TENM2: variants seen among roughly 807,000 people sequenced by gnomAD.
The protein encoded by TENM2 is teneurin-2.
In TENM2, 52 loss-of-function variants were observed where a neutral mutation model predicts 245.2. That is an observed-to-expected ratio of 0.21 (90% CI 0.17 to 0.27). TENM2 has a LOEUF of 0.27. Ranked by LOEUF, TENM2 falls within the 10% of genes least tolerant of loss-of-function variation. The pLI, the probability that TENM2 is intolerant of heterozygous loss-of-function variation, is 1.00. For synonymous variants in TENM2, 1,363 were observed against 1,438.9 expected (o/e 0.95, Z 1.19); for missense variants, 3,046 against 3,666.8 (o/e 0.83, Z 4.37).
chr5:167,051,605 G>C, the TENM2 span, among the ~76,000 whole-genome samples: 1 of 152,132 alleles, frequency 6.6e-6, no homozygotes, highest in South Asian at 2.1e-4. Context: ...CCAGGGACTC[G>C]GAGGAGGCGA....
At chr5:167,126,369 C>A in the TENM2 span, among the ~76,000 whole-genome samples, 1 of 152,308 alleles carries the variant, frequency 6.6e-6, no homozygotes, top group Non-Finnish European at 1.5e-5. Context: ...AATTCTCCCT[C>A]ATTTCTTGGC....
At chr5:167,483,365 C>T (rs921078526) in intron 2 of TENM2, among the ~76,000 whole-genome samples, 1 of 152,112 alleles carries the variant, frequency 6.6e-6, no homozygotes, top group African/African-American at 2.4e-5. Flanking sequence ...GTCTCAGATG[C>T]ATAATCAGAT....
chr5:168,201,364 A>G (rs1271351842), intron 17 of TENM2, among the ~76,000 whole-genome samples: 1 of 151,956 alleles, frequency 6.6e-6, no homozygotes, highest in East Asian at 1.9e-4. Flanking sequence ...ATATACATAT[A>G]TCTGTAGCTA....
At chr5:167,705,011 G>A (rs1449025077) in intron 2 of TENM2, among the ~76,000 whole-genome samples, 1 of 152,034 alleles carries the variant, frequency 6.6e-6, no homozygotes, top group East Asian at 1.9e-4. Flanking sequence ...CTTTGAAGTT[G>A]GTAAAAGTCA....
chr5:168,104,003 G>GGCTT, intron 9 of TENM2, among the ~76,000 whole-genome samples: 1 of 150,000 alleles, frequency 6.7e-6, no homozygotes, highest in South Asian at 2.1e-4. Context: ...TTTCTTTTCT[G>GGCTT]GTTTGTTTGT....
chr5:167,610,008 CTT>C (rs1450406902), intron 2 of TENM2, among the ~76,000 whole-genome samples: 11 of 152,230 alleles, frequency 7.2e-5, no homozygotes, highest in Admixed American at 3.3e-4. Context: ...GTGACGTACA[CTT>C]TTGATCGGCT....
intron 3 of TENM2, among the ~76,000 whole-genome samples, chr5:167,912,364 A>G (rs1301079228): frequency 6.6e-6 from 1 of 152,190 alleles, no homozygotes; most frequent in Admixed American, 6.5e-5. Context: ...TTGTGTATAT[A>G]TGCCACATTT....
At chr5:168,204,598 T>C (rs2152539453) in exon 19 of TENM2, 1 of 1,614,004 alleles carries the variant, frequency 6.2e-7, no homozygotes, top group East Asian at 2.2e-5. Context: ...CCTCTCGAAA[T>C]GTGACCAGCA....
At chr5:168,187,393 G>A (rs921478628) in intron 13 of TENM2, 17 of 152,196 alleles carry the variant, frequency 1.1e-4, no homozygotes, top group African/African-American at 4.1e-4. Context: ...GTTATATGGA[G>A]CGGGTGGTAA....
At chr5:168,074,906 G>A (rs992138594) in intron 7 of TENM2, among the ~76,000 whole-genome samples, 4 of 152,042 alleles carry the variant, frequency 2.6e-5, no homozygotes, top group South Asian at 4.2e-4. Context: ...CTTAATTTAG[G>A]TATAATGTTA....
At chr5:168,154,554 G>A (rs1581470098) in intron 12 of TENM2, among the ~76,000 whole-genome samples, 2 of 152,156 alleles carry the variant, frequency 1.3e-5, no homozygotes, top group African/African-American at 2.4e-5. Flanking sequence ...AATGTGAAAG[G>A]ATTGTTTTTA....
the TENM2 span, among the ~76,000 whole-genome samples, chr5:167,035,091 C>T: frequency 2.0e-5 from 3 of 152,136 alleles, no homozygotes; most frequent in Non-Finnish European, 4.4e-5. Context: ...TTTAATTTTG[C>T]TTTTCATACT....
At chr5:167,431,199 A>C (rs1309414083) in intron 2 of TENM2, among the ~76,000 whole-genome samples, 4 of 152,194 alleles carry the variant, frequency 2.6e-5, no homozygotes, top group Non-Finnish European at 4.4e-5. Flanking sequence ...GACAATTATC[A>C]ATTTCTTTTT....
chr5:167,019,992 T>G, the TENM2 span, among the ~76,000 whole-genome samples: 1 of 152,084 alleles, frequency 6.6e-6, no homozygotes, highest in Non-Finnish European at 1.5e-5. Context: ...GGAGGTAGAA[T>G]AATAAAATCT....
intron 2 of TENM2, among the ~76,000 whole-genome samples, chr5:167,427,346 G>C (rs1039592272): frequency 6.6e-6 from 1 of 152,038 alleles, no homozygotes; most frequent in Non-Finnish European, 1.5e-5. Context: ...CCAGCTACTT[G>C]GGAGGCTGAG....
the TENM2 span, among the ~76,000 whole-genome samples, chr5:167,049,298 T>C: frequency 6.6e-6 from 1 of 152,246 alleles, no homozygotes; most frequent in African/African-American, 2.4e-5. Flanking sequence ...GAGTCACGTG[T>C]ATGTTTACCA....
chr5:168,254,106 T>G (rs1767413830), intron 27 of TENM2, among the ~76,000 whole-genome samples: 1 of 152,232 alleles, frequency 6.6e-6, no homozygotes, highest in African/African-American at 2.4e-5. Flanking sequence ...ACTTAACACC[T>G]GAAGGTGCTG....
intron 2 of TENM2, among the ~76,000 whole-genome samples, chr5:167,582,598 G>A (rs1334096477): frequency 6.6e-6 from 1 of 152,118 alleles, no homozygotes; most frequent in East Asian, 1.9e-4. Context: ...TAACAAAAAA[G>A]TCATGTCATT....
intron 2 of TENM2, among the ~76,000 whole-genome samples, chr5:167,678,112 T>G (rs1233367048): frequency 1.3e-5 from 2 of 152,140 alleles, no homozygotes; most frequent in African/African-American, 4.8e-5. Flanking sequence ...TTAATACATA[T>G]GCAAACACAT....
Sources: gnomAD v4.1 joint callset for allele counts (sites outside exome capture counted in the v4.1 genomes callset) on GRCh38, gnomAD v4.1.1 for gene constraint, MANE v1.5 for transcripts, NCBI Gene and HGNC (gene_info 2026-07-23, HGNC 2026-07-21) for gene names.